ABLIM3: variants seen among roughly 807,000 people sequenced by gnomAD.
ABLIM3 encodes actin binding LIM protein family member 3.
In ABLIM3, 61 loss-of-function variants were observed where a neutral mutation model predicts 109.5. That is an observed-to-expected ratio of 0.56 (90% CI 0.45 to 0.69). ABLIM3 has a LOEUF of 0.69. ABLIM3 is among the 30% of genes least tolerant of loss of function. ABLIM3 has a pLI of 0.00. For missense variants in ABLIM3, 796 were observed against 889.5 expected (o/e 0.89, Z 1.34); for synonymous variants, 300 against 324.8 (o/e 0.92, Z 0.82).
intron 2 of ABLIM3, among the ~76,000 whole-genome samples, chr5:149,151,500 C>T (rs887662199): frequency 1.3e-5 from 2 of 152,222 alleles, no homozygotes; most frequent in Non-Finnish European, 2.9e-5. Context: ...CAGCCACTGT[C>T]CACACTAGCG....
chr5:149,193,013 G>T (rs1418482217), intron 3 of ABLIM3, among the ~76,000 whole-genome samples: 1 of 152,018 alleles, frequency 6.6e-6, no homozygotes, highest in Non-Finnish European at 1.5e-5. Context: ...AAAATAACTA[G>T]CAATTAAGGG....
intron 2 of ABLIM3, among the ~76,000 whole-genome samples, chr5:149,182,097 C>T (rs1337806997): frequency 6.6e-6 from 1 of 152,220 alleles, no homozygotes; most frequent in African/African-American, 2.4e-5. Flanking sequence ...AGAAAAGGTT[C>T]AAATTTCCAG....
At chr5:149,233,855 C>T (rs760951908) in intron 10 of ABLIM3, among the ~76,000 whole-genome samples, 2 of 152,148 alleles carry the variant, frequency 1.3e-5, no homozygotes, top group Admixed American at 6.5e-5. Flanking sequence ...GTCTGAGCTC[C>T]CATCTCCACA....
intron 8 of ABLIM3, among the ~76,000 whole-genome samples, chr5:149,223,860 C>T (rs2127535576): frequency 6.6e-6 from 1 of 152,298 alleles, no homozygotes. Flanking sequence ...TGAGGCTAGG[C>T]TCCATCTCAC....
chr5:149,246,376 G>A (rs1474773094), intron 16 of ABLIM3, 106 bp from the exon 17 acceptor site: 1 of 1,082,342 alleles, frequency 9.2e-7, no homozygotes, highest in East Asian at 2.6e-5. Context: ...TGAAAAATAA[G>A]ATTAAAAAGA....
At chr5:149,191,793 TTGATTATTTTAATAGAGTAGAAAAGG>T (rs1757497746) in intron 3 of ABLIM3, among the ~76,000 whole-genome samples, 1 of 152,188 alleles carries the variant, frequency 6.6e-6, no homozygotes, top group Admixed American at 6.5e-5. Flanking sequence ...ATAAAAATAT[TTGATTATTTTAATAGAGTAGAAAAGG>T]TGCTAGATAA....
chr5:149,172,744 C>T (rs1755563773), intron 2 of ABLIM3, among the ~76,000 whole-genome samples: 1 of 152,196 alleles, frequency 6.6e-6, no homozygotes, highest in Non-Finnish European at 1.5e-5. Flanking sequence ...CCAGATTCTC[C>T]AGATTGGTCC....
chr5:149,242,047 C>T (rs983540032), intron 14 of ABLIM3, among the ~76,000 whole-genome samples: 3 of 152,118 alleles, frequency 2.0e-5, no homozygotes, highest in Admixed American at 2.0e-4. Context: ...CCTCAGCTGC[C>T]CTAGAGGGGT....
intron 8 of ABLIM3, chr5:149,219,399 A>T (rs1481227157): frequency 3.3e-5 from 5 of 152,218 alleles, no homozygotes; most frequent in Non-Finnish European, 5.9e-5. Flanking sequence ...CATTTCTAAG[A>T]TGCTGTCTAC....
chr5:149,150,676 G>A (rs1205885304), intron 2 of ABLIM3, among the ~76,000 whole-genome samples: 1 of 152,180 alleles, frequency 6.6e-6, no homozygotes, highest in East Asian at 1.9e-4. Context: ...CCCAACTTTA[G>A]GCAGAAACCA....
intron 2 of ABLIM3, among the ~76,000 whole-genome samples, chr5:149,165,257 C>T (rs780789740): frequency 2.0e-5 from 3 of 152,166 alleles, no homozygotes; most frequent in Non-Finnish European, 4.4e-5. Flanking sequence ...ACTTCTCTAG[C>T]CCATTGAATG....
intron 2 of ABLIM3, among the ~76,000 whole-genome samples, chr5:149,165,519 C>A (rs1026224518): frequency 1.3e-5 from 2 of 152,134 alleles, no homozygotes; most frequent in African/African-American, 4.8e-5. Flanking sequence ...GTACAAGTAA[C>A]CAAAACCCAG....
chr5:149,148,308 T>C (rs908585943), intron 2 of ABLIM3, among the ~76,000 whole-genome samples: 1 of 152,166 alleles, frequency 6.6e-6, no homozygotes, highest in Non-Finnish European at 1.5e-5. Context: ...AGGTGGGGTC[T>C]GGTCCTTATT....
intron 2 of ABLIM3, among the ~76,000 whole-genome samples, chr5:149,174,181 A>G (rs967744339): frequency 2.0e-5 from 3 of 152,154 alleles, no homozygotes; most frequent in Non-Finnish European, 4.4e-5. Context: ...CCAGGGTGTC[A>G]TAGGTTTGCA....
At chr5:149,239,394 C>A in intron 12 of ABLIM3, 117 bp downstream of exon 12, 1 of 1,170,784 alleles carries the variant, frequency 8.5e-7, no homozygotes, top group Non-Finnish European at 1.3e-6. Flanking sequence ...TCCCTGCAAG[C>A]AGGGAAGTGC....
intron 2 of ABLIM3, among the ~76,000 whole-genome samples, chr5:149,177,644 T>C (rs185204962): frequency 1.5e-4 from 23 of 152,080 alleles, no homozygotes; most frequent in African/African-American, 5.5e-4. Flanking sequence ...AGCCAAGGAG[T>C]TTTTTTCTTG....
chr5:149,196,472 A>G (rs932067390), intron 3 of ABLIM3, among the ~76,000 whole-genome samples: 9 of 152,356 alleles, frequency 5.9e-5, no homozygotes, highest in African/African-American at 2.2e-4. Flanking sequence ...ACTGATGTAG[A>G]AAGCCCGAAT....
At chr5:149,244,825 C>T in intron 15 of ABLIM3, 56 bp from the exon 16 acceptor site, 1 of 1,612,044 alleles carries the variant, frequency 6.2e-7, no homozygotes, top group Non-Finnish European at 8.5e-7. Context: ...AAAGGGTACA[C>T]AGTCCCATCC....
rs6889082 is a variant in ABLIM3 at position 149,225,982 on chromosome 5, G to A, written c.758-4667G>A. On this transcript the variant is annotated intron_variant, in intron 8 of 23. Coordinates refer to ENST00000309868, the MANE Select transcript of ABLIM3 (RefSeq NM_014945.5). ...TATGTGTGTGTGTGTGTGTGTGTGT[G>A]TATATATATATATATATATATATAT... 4.2e-3 allele frequency among the ~76,000 whole-genome samples: 192 copies of A among 45,386 alleles called. 1 individual carries two copies. The highest frequency in any genetic ancestry group is 8.6e-3 in the African/African-American group (100 of 11,678). The allele number at this position is 45,386 out of a possible 152,430, so 29.8% of individuals were successfully genotyped here.
Sources: gnomAD v4.1 joint callset for allele counts (sites outside exome capture counted in the v4.1 genomes callset) on GRCh38, gnomAD v4.1.1 for gene constraint, MANE v1.5 for transcripts, NCBI Gene and HGNC (gene_info 2026-07-23, HGNC 2026-07-21) for gene names.